The following MYRIP variants were observed in gnomAD, a reference collection of about 807,000 sequenced individuals.
MYRIP encodes the protein rab effector MyRIP.
MYRIP carries 49 observed loss-of-function variants against 98.0 expected under a neutral mutation model. The ratio of observed to expected loss-of-function variants is 0.50; its 90% CI spans 0.40 to 0.63. The LOEUF (loss-of-function observed/expected upper bound fraction) is 0.63, where lower values mean the gene tolerates loss of function less well. Ranked by LOEUF, MYRIP falls within the 30% of genes least tolerant of loss-of-function variation. The pLI is 0.00. For synonymous variants in MYRIP, 404 were observed against 409.5 expected (o/e 0.99, Z 0.16); for missense variants, 1,004 against 1,058.2 (o/e 0.95, Z 0.71).
At chr3:40,029,890 T>C (rs1947219611) in intron 2 of MYRIP, among the ~76,000 whole-genome samples, 1 of 151,852 alleles carries the variant, frequency 6.6e-6, no homozygotes, top group Non-Finnish European at 1.5e-5. Flanking sequence ...CAAGACCCCG[T>C]CTCTACAAAA....
intron 3 of MYRIP, among the ~76,000 whole-genome samples, chr3:40,102,951 A>G (rs1397293247): frequency 6.6e-6 from 1 of 151,700 alleles, no homozygotes; most frequent in Non-Finnish European, 1.5e-5. Flanking sequence ...TTTCTATTCT[A>G]TTTAGGTTGT....
At chr3:39,914,366 A>T (rs1944101811) in intron 2 of MYRIP, among the ~76,000 whole-genome samples, 1 of 152,132 alleles carries the variant, frequency 6.6e-6, no homozygotes, top group Admixed American at 6.5e-5. Context: ...TCTTCTGATC[A>T]ATCCATTAAA....
chr3:39,859,861 C>A (rs547910257), intron 1 of MYRIP, among the ~76,000 whole-genome samples: 2 of 151,956 alleles, frequency 1.3e-5, no homozygotes, highest in South Asian at 2.1e-4. Context: ...GAAAATGTAC[C>A]CCAAAATAAT....
chr3:40,054,523 A>G lies in MYRIP; in HGVS notation c.332+10252A>G, dbSNP rs571831737. Among the ~76,000 whole-genome samples, 216 of 152,310 alleles carry G rather than the reference A, an allele frequency of 1.4e-3. 1 individual carries two copies. Among genetic ancestry groups the G allele is most frequent in the African/African-American group, 5.0e-3 (209 of 41,582 alleles). ...TTTTTAGATAAATTAATTTAAATCAATAGACTTTGAGTAAAGCAAATTGCC... is the reference window on the plus strand; with the variant it reads ...TTTTTAGATAAATTAATTTAAATCAGTAGACTTTGAGTAAAGCAAATTGCC... On this transcript the variant is annotated intron_variant, in intron 3 of 16. Transcript: ENST00000302541.
intron 2 of MYRIP, among the ~76,000 whole-genome samples, chr3:39,976,311 C>T (rs1383820102): frequency 1.3e-5 from 2 of 152,138 alleles, no homozygotes; most frequent in African/African-American, 4.8e-5. Context: ...TCATCACTGG[C>T]CATCAGAGAA....
At chr3:40,206,649 A>G (rs570195552) in intron 10 of MYRIP, among the ~76,000 whole-genome samples, 11 of 152,234 alleles carry the variant, frequency 7.2e-5, no homozygotes, top group African/African-American at 2.6e-4. Flanking sequence ...AGTGTGTTAC[A>G]ATTGTCTGGT....
At chr3:40,135,148 G>T (rs1485105069) in intron 3 of MYRIP, among the ~76,000 whole-genome samples, 1 of 152,172 alleles carries the variant, frequency 6.6e-6, no homozygotes, top group Non-Finnish European at 1.5e-5. Flanking sequence ...AAAATTAGAT[G>T]AATAGATAAC....
At chr3:39,856,123 G>C (rs1247887797) in intron 1 of MYRIP, among the ~76,000 whole-genome samples, 1 of 152,204 alleles carries the variant, frequency 6.6e-6, no homozygotes. Context: ...GTGGGGATGT[G>C]TGTTTGGAGG....
chr3:40,115,158 T>C (rs1277009941), intron 3 of MYRIP, among the ~76,000 whole-genome samples: 1 of 152,156 alleles, frequency 6.6e-6, no homozygotes, highest in East Asian at 1.9e-4. Context: ...AAAAAGTTGC[T>C]CCTAGTGTGA....
chr3:40,013,423 G>A (rs1946802558), intron 2 of MYRIP, among the ~76,000 whole-genome samples: 1 of 152,240 alleles, frequency 6.6e-6, no homozygotes, highest in African/African-American at 2.4e-5. Context: ...AGGAGCCCAA[G>A]CTGTGCACAT....
At chr3:40,127,995 A>G (rs995756441) in intron 3 of MYRIP, among the ~76,000 whole-genome samples, 2 of 152,146 alleles carry the variant, frequency 1.3e-5, no homozygotes, top group African/African-American at 4.8e-5. Context: ...CCAATTGTCT[A>G]TATTAGAGTC....
intron 2 of MYRIP, among the ~76,000 whole-genome samples, chr3:39,920,898 T>C (rs756240240): frequency 3.3e-4 from 50 of 152,162 alleles, no homozygotes; most frequent in Non-Finnish European, 6.3e-4. Context: ...ACCAGCCTCT[T>C]CACTTTTAAG....
In MYRIP at chr3:39,964,972, T is replaced by C. The variant is rs547320518; in HGVS notation, c.110+64046T>C. 3.9e-5 allele frequency among the ~76,000 whole-genome samples: 6 copies of C among 152,210 alleles called. No homozygotes were observed. The South Asian group carries it at 1.2e-3, about 32-fold the overall frequency. On this transcript the variant is annotated intron_variant, in intron 2 of 16. Coordinates refer to ENST00000302541, the MANE Select transcript of MYRIP (RefSeq NM_015460.4). Reference sequence around the variant, plus strand: ...TAGAAATCCACTGGAAGACCCCAGATTTGGATTTTGAAATAACCCGTTACC... The same window carrying C: ...TAGAAATCCACTGGAAGACCCCAGACTTGGATTTTGAAATAACCCGTTACC...
chr3:40,086,516 C>T (rs910024313), intron 3 of MYRIP, among the ~76,000 whole-genome samples: 6 of 152,208 alleles, frequency 3.9e-5, no homozygotes, highest in Admixed American at 2.6e-4. Flanking sequence ...GCCACCAGGG[C>T]AGACCTTGCT....
intron 10 of MYRIP, among the ~76,000 whole-genome samples, chr3:40,192,313 T>TATATACACATATATATATGTC (rs1951239872): frequency 7.6e-5 from 1 of 13,186 alleles, no homozygotes; most frequent in African/African-American, 1.6e-4. Context: ...TTTCTTCATA[T>TATATACACATATATATATGTC]ATATATATAT....
chr3:39,984,193 G>GTTTATTTTATTTTATTTTAT lies in MYRIP; in HGVS notation c.111-59834_111-59815dup, dbSNP rs71288070. 3.0e-3 allele frequency among the ~76,000 whole-genome samples: 437 copies of GTTTATTTTATTTTATTTTAT among 145,660 alleles called. 2 individuals carry two copies. Among genetic ancestry groups the GTTTATTTTATTTTATTTTAT allele is most frequent in the Middle Eastern group, 0.01 (3 of 294 alleles). On this transcript the variant is annotated intron_variant, in intron 2 of 16. Coordinates refer to ENST00000302541, the MANE Select transcript of MYRIP (RefSeq NM_015460.4). ...CCAGGACAGAGAGGTTGTAAGGAAAGTTTATTTTATTTTATTTTATTTTAT... is the reference window on the plus strand; with the variant it reads ...CCAGGACAGAGAGGTTGTAAGGAAAGTTTATTTTATTTTATTTTATTTTATTTTATTTTATTTTATTTTAT...
intron 2 of MYRIP, among the ~76,000 whole-genome samples, chr3:39,907,519 G>T (rs1369075618): frequency 6.6e-6 from 1 of 152,152 alleles, no homozygotes; most frequent in Admixed American, 6.5e-5. Context: ...TGGAGGCCTT[G>T]TGTGGAAACA....
intron 1 of MYRIP, among the ~76,000 whole-genome samples, chr3:39,893,425 T>C (rs1943533296): frequency 6.6e-6 from 1 of 152,184 alleles, no homozygotes; most frequent in Non-Finnish European, 1.5e-5. Flanking sequence ...TAGCTGGTAT[T>C]GTACCACCTC....
rs1306798087 is a variant in MYRIP at position 40,218,643 on chromosome 3, T to C, written c.1905+8550T>C. On this transcript the variant is annotated intron_variant, in intron 11 of 16. Transcript: ENST00000302541. ...ATATATATATATATATATATATATA[T>C]ATATATATATATACATACACACACA... Among the ~76,000 whole-genome samples the C allele has an allele frequency of 4.0e-4, 31 of 76,656 alleles. 5 individuals are homozygous for C. The East Asian group carries it at 4.6e-3, about 11-fold the overall frequency. The allele number at this position is 76,656 out of a possible 152,430, so 50.3% of individuals were successfully genotyped here.
Sources: gnomAD v4.1 joint callset for allele counts (sites outside exome capture counted in the v4.1 genomes callset) on GRCh38, gnomAD v4.1.1 for gene constraint, MANE v1.5 for transcripts, NCBI Gene and HGNC (gene_info 2026-07-23, HGNC 2026-07-21) for gene names.